The following DNER variants were observed in gnomAD, a reference collection of about 807,000 sequenced individuals.
DNER encodes the protein delta and Notch-like epidermal growth factor-related receptor.
A neutral mutation model predicts 78.2 loss-of-function variants in DNER; 33 were observed. The observed-to-expected ratio is 0.42, with a 90% CI of 0.32 to 0.56. The LOEUF is 0.56. DNER is among the 20% of genes least tolerant of loss of function. DNER has a pLI of 0.11. For missense variants in DNER, 918 were observed against 975.3 expected, an observed-to-expected ratio of 0.94 and a Z score of 0.78; for synonymous variants, 417 against 384.8, an observed-to-expected ratio of 1.08 and a Z score of -0.98.
At chr2:229,393,882 T>A (rs1314256151) in intron 10 of DNER, among the ~76,000 whole-genome samples, 3 of 151,372 alleles carry the variant, frequency 2.0e-5, no homozygotes, top group African/African-American at 4.9e-5. Context: ...AAACAAAAAC[T>A]AAGCAGAGAC....
intron 6 of DNER, among the ~76,000 whole-genome samples, chr2:229,496,701 A>T (rs1695510046): frequency 6.6e-6 from 1 of 152,226 alleles, no homozygotes; most frequent in African/African-American, 2.4e-5. Flanking sequence ...CTGTAAAAAG[A>T]GGCAAAGATG....
At chr2:229,566,234 T>A (rs925423897) in intron 4 of DNER, among the ~76,000 whole-genome samples, 1 of 152,172 alleles carries the variant, frequency 6.6e-6, no homozygotes, top group African/African-American at 2.4e-5. Flanking sequence ...ATTGTGAACA[T>A]GATCTTTCAA....
chr2:229,645,125 T>C (rs1698693420), intron 1 of DNER, among the ~76,000 whole-genome samples: 1 of 152,130 alleles, frequency 6.6e-6, no homozygotes, highest in Admixed American at 6.5e-5. Flanking sequence ...GCTTCCTGAG[T>C]AGCTAGGACT....
intron 9 of DNER, among the ~76,000 whole-genome samples, chr2:229,415,162 CA>C (rs59973085): frequency 0.7 from 104,823 of 148,988 alleles, 38,154 homozygotes; most frequent in Non-Finnish European, 0.81. Flanking sequence ...AACTCCATCA[CA>C]AAAAAAAAAA....
At chr2:229,397,041 T>C (rs1333805681) in intron 10 of DNER, among the ~76,000 whole-genome samples, 6 of 152,130 alleles carry the variant, frequency 3.9e-5, no homozygotes, top group Admixed American at 3.3e-4. Context: ...TACATCACAA[T>C]CAATTTGCTA....
chr2:229,390,314 C>T (rs905072129), intron 10 of DNER, among the ~76,000 whole-genome samples: 2 of 152,242 alleles, frequency 1.3e-5, no homozygotes, highest in Admixed American at 6.5e-5. Flanking sequence ...CTCTGCTTCA[C>T]GAAGTCCAAT....
chr2:229,575,138 T>G (rs1697275101), intron 4 of DNER, among the ~76,000 whole-genome samples: 1 of 152,256 alleles, frequency 6.6e-6, no homozygotes, highest in African/African-American at 2.4e-5. Flanking sequence ...AACCTGTAAA[T>G]AAAATGCACT....
intron 8 of DNER, 97 bp from the exon 9 acceptor site, chr2:229,418,327 A>C: frequency 6.6e-7 from 1 of 1,523,272 alleles, no homozygotes; most frequent in Non-Finnish European, 8.9e-7. Context: ...TATTCATTAG[A>C]AAGTATGGTA....
chr2:229,550,050 C>A (rs755834543), intron 4 of DNER, among the ~76,000 whole-genome samples: 1 of 151,802 alleles, frequency 6.6e-6, no homozygotes, highest in East Asian at 2.0e-4. Flanking sequence ...TGGACTGCAG[C>A]GGCATAATCT....
At chr2:229,468,579 TC>T (rs968715666) in intron 7 of DNER, among the ~76,000 whole-genome samples, 1 of 151,958 alleles carries the variant, frequency 6.6e-6, no homozygotes, top group Non-Finnish European at 1.5e-5. Context: ...CAGTCAGCAC[TC>T]CCCACTTCCC....
At chr2:229,604,030 G>A (rs927340133) in intron 1 of DNER, among the ~76,000 whole-genome samples, 1 of 152,116 alleles carries the variant, frequency 6.6e-6, no homozygotes, top group Admixed American at 6.6e-5. Flanking sequence ...GACCAGGAGG[G>A]CCAGCAGAAG....
intron 9 of DNER, among the ~76,000 whole-genome samples, chr2:229,407,985 C>G (rs1261502545): frequency 6.6e-6 from 1 of 152,086 alleles, no homozygotes; most frequent in South Asian, 2.1e-4. Flanking sequence ...TGAAGCTGCC[C>G]GTAATCCCAT....
chr2:229,589,211 C>T (rs17677612), intron 2 of DNER, among the ~76,000 whole-genome samples: 11,410 of 152,208 alleles, frequency 0.075, 574 homozygotes, highest in East Asian at 0.17. Context: ...CAATTACTGT[C>T]CTCCCCCATG....
At chr2:229,574,234 C>T (rs954533432) in intron 4 of DNER, among the ~76,000 whole-genome samples, 2 of 152,094 alleles carry the variant, frequency 1.3e-5, no homozygotes, top group Non-Finnish European at 2.9e-5. Flanking sequence ...AATTCCATAT[C>T]TGGGAATTTA....
chr2:229,611,803 G>A (rs1410161587), intron 1 of DNER, among the ~76,000 whole-genome samples: 1 of 152,148 alleles, frequency 6.6e-6, no homozygotes, highest in African/African-American at 2.4e-5. Flanking sequence ...CTTCCTCTAA[G>A]ACGTACTGAC....
At position 229,714,437 on chromosome 2, in the gene DNER, G is replaced by T; in HGVS notation, c.-14C>A. 8.9e-7 allele frequency: 1 copy of T among 1,126,276 alleles called. No individual in the cohort carries two copies. Among genetic ancestry groups the T allele is most frequent in the Non-Finnish European group, 1.1e-6 (1 of 923,544 alleles). The allele number at this position is 1,126,276 out of a possible 1,614,324, so 69.8% of individuals were successfully genotyped here. On this transcript the variant is annotated 5_prime_UTR_variant, in exon 1 of 13. Transcript: ENST00000341772. ...GCGGGGCTGCATGGCCGGCCGGGAGGGCGCGGGAGCCGGAGCCAGGACGCA... is the reference window on the plus strand; with the variant it reads ...GCGGGGCTGCATGGCCGGCCGGGAGTGCGCGGGAGCCGGAGCCAGGACGCA...
At chr2:229,515,833 G>T (rs1199577870) in intron 5 of DNER, among the ~76,000 whole-genome samples, 2 of 151,928 alleles carry the variant, frequency 1.3e-5, no homozygotes, top group Admixed American at 1.3e-4. Context: ...GTAGAGACAG[G>T]GTTTCACCGT....
At chr2:229,380,304 G>A (rs909053972) in intron 11 of DNER, among the ~76,000 whole-genome samples, 4 of 152,184 alleles carry the variant, frequency 2.6e-5, no homozygotes, top group Admixed American at 6.5e-5. Context: ...GAGGAGTGGA[G>A]AGAGCAGACA....
intron 1 of DNER, among the ~76,000 whole-genome samples, chr2:229,597,747 C>T (rs759534): frequency 0.36 from 55,471 of 152,088 alleles, 10,292 homozygotes; most frequent in East Asian, 0.5. Context: ...TATTAAATGC[C>T]GTGTGCTTGC....
Sources: allele counts gnomAD v4.1 joint callset (sites outside exome capture counted in the v4.1 genomes callset), GRCh38; gene constraint gnomAD v4.1.1; transcripts MANE v1.5; gene names NCBI Gene and HGNC (gene_info 2026-07-23, HGNC 2026-07-21).